GRIK4: variants seen among roughly 807,000 people sequenced by gnomAD.
GRIK4 encodes glutamate ionotropic receptor kainate type subunit 4.
Under a neutral mutation model 104.9 loss-of-function variants are expected in GRIK4, and 40 were observed. That is an observed-to-expected ratio of 0.38 (90% CI 0.30 to 0.50). The LOEUF is 0.50. GRIK4 is among the 20% of genes least tolerant of loss of function. GRIK4 has a pLI of 0.93. For synonymous variants in GRIK4, 485 were observed against 524.9 expected (o/e 0.92, Z 1.04); for missense variants, 1,047 against 1,308.1 (o/e 0.80, Z 3.08).
chr11:120,586,377 G>A (rs1948664033), intron 1 of GRIK4, among the ~76,000 whole-genome samples: 1 of 152,076 alleles, frequency 6.6e-6, no homozygotes, highest in African/African-American at 2.4e-5. Flanking sequence ...TGGGGAGGAG[G>A]ACAGGCGATG....
chr11:120,557,517 C>T (rs191533223), intron 1 of GRIK4, among the ~76,000 whole-genome samples: 5 of 152,308 alleles, frequency 3.3e-5, no homozygotes, highest in Admixed American at 3.3e-4. Context: ...CATCAGACGA[C>T]CTATCTAGCG....
At chr11:120,973,455 A>C (rs1944508628) in intron 19 of GRIK4, among the ~76,000 whole-genome samples, 2 of 152,242 alleles carry the variant, frequency 1.3e-5, no homozygotes, top group African/African-American at 2.4e-5. Flanking sequence ...CCAGGTCCCA[A>C]ATGCATCCGA....
intron 2 of GRIK4, among the ~76,000 whole-genome samples, chr11:120,655,560 T>A (rs953148937): frequency 7.2e-5 from 11 of 152,212 alleles, no homozygotes; most frequent in Non-Finnish European, 1.5e-4. Context: ...CCCTGGCTGC[T>A]CTATGGAGAA....
intron 6 of GRIK4, among the ~76,000 whole-genome samples, chr11:120,826,892 C>T (rs1292353328): frequency 6.6e-6 from 1 of 152,214 alleles, no homozygotes; most frequent in Admixed American, 6.5e-5. Context: ...CATCTTGTCC[C>T]TCTGGTGAGG....
intron 3 of GRIK4, among the ~76,000 whole-genome samples, chr11:120,679,285 C>G (rs1950154319): frequency 6.6e-6 from 1 of 152,218 alleles, no homozygotes; most frequent in Non-Finnish European, 1.5e-5. Context: ...TTATACTGCC[C>G]TGCCCTCCGT....
chr11:120,880,690 G>A (rs1323866361), intron 11 of GRIK4, among the ~76,000 whole-genome samples: 2 of 152,258 alleles, frequency 1.3e-5, no homozygotes, highest in Non-Finnish European at 2.9e-5. Flanking sequence ...GTCCTGGGCT[G>A]AGGAATTCAC....
intron 14 of GRIK4, among the ~76,000 whole-genome samples, chr11:120,947,120 T>C (rs546302717): frequency 2.6e-5 from 4 of 152,212 alleles, no homozygotes; most frequent in African/African-American, 9.6e-5. Flanking sequence ...AAGGGAGAAA[T>C]AGGCTGGGCA....
intron 12 of GRIK4, among the ~76,000 whole-genome samples, chr11:120,901,198 C>A (rs538894199): frequency 6.6e-6 from 1 of 152,142 alleles, no homozygotes; most frequent in Admixed American, 6.5e-5. Context: ...TCAGCCACTG[C>A]CCAGGCCCTG....
At chr11:120,866,746 C>T (rs1239641952) in intron 9 of GRIK4, among the ~76,000 whole-genome samples, 1 of 152,218 alleles carries the variant, frequency 6.6e-6, no homozygotes, top group Non-Finnish European at 1.5e-5. Context: ...TTGTGCTGAT[C>T]AGATTCTGCG....
chr11:120,966,458 G>A (rs576326580), intron 18 of GRIK4, among the ~76,000 whole-genome samples: 5 of 152,286 alleles, frequency 3.3e-5, no homozygotes, highest in African/African-American at 9.6e-5. Context: ...CTGCACCTCC[G>A]TCTCCCAGGT....
chr11:120,754,871 GTTAT>G (rs1340945569), intron 3 of GRIK4, among the ~76,000 whole-genome samples: 3 of 151,994 alleles, frequency 2.0e-5, no homozygotes, highest in African/African-American at 7.3e-5. Flanking sequence ...TTTTAATTGG[GTTAT>G]TTGTCTTTTT....
chr11:120,688,246 A>T (rs866444172), intron 3 of GRIK4, among the ~76,000 whole-genome samples: 1 of 152,222 alleles, frequency 6.6e-6, no homozygotes, highest in Non-Finnish European at 1.5e-5. Flanking sequence ...CTTGAAACAG[A>T]TGATTGTTAT....
intron 6 of GRIK4, among the ~76,000 whole-genome samples, chr11:120,831,114 C>A (rs1243363042): frequency 6.6e-6 from 1 of 152,126 alleles, no homozygotes; most frequent in Admixed American, 6.5e-5. Context: ...CAGATTCTTG[C>A]CTGCTGGAGT....
At chr11:120,676,853 G>A (rs1406440287) in intron 3 of GRIK4, among the ~76,000 whole-genome samples, 1 of 152,334 alleles carries the variant, frequency 6.6e-6, no homozygotes, top group South Asian at 2.1e-4. Flanking sequence ...TAGGATGTGG[G>A]CATCTTTGGG....
intron 3 of GRIK4, among the ~76,000 whole-genome samples, chr11:120,798,385 C>T (rs1217501093): frequency 6.6e-6 from 1 of 152,026 alleles, no homozygotes; most frequent in African/African-American, 2.4e-5. Context: ...TCTCAAACTC[C>T]TGACCTCACG....
At chr11:120,941,098 C>G (rs901535222) in intron 14 of GRIK4, among the ~76,000 whole-genome samples, 1 of 152,144 alleles carries the variant, frequency 6.6e-6, no homozygotes, top group Non-Finnish European at 1.5e-5. Context: ...GAAGAGTCAC[C>G]CTGGCTGGGT....
chr11:120,720,094 A>G (rs1950903670), intron 3 of GRIK4, among the ~76,000 whole-genome samples: 2 of 151,824 alleles, frequency 1.3e-5, no homozygotes, highest in Admixed American at 1.3e-4. Context: ...GGGATTGGGG[A>G]GCACTGCCCT....
intron 3 of GRIK4, among the ~76,000 whole-genome samples, chr11:120,763,312 G>A (rs1459694523): frequency 1.3e-5 from 2 of 151,936 alleles, no homozygotes; most frequent in Admixed American, 6.6e-5. Context: ...ATTTTTTATT[G>A]TGTCTATTTG....
At chr11:120,876,233 TTACTACCACCACCAC>T (rs1954793147) in intron 11 of GRIK4, among the ~76,000 whole-genome samples, 1 of 123,388 alleles carries the variant, frequency 8.1e-6, no homozygotes, top group Non-Finnish European at 1.7e-5. Context: ...ACCACCACGA[TTACTACCACCACCAC>T]CACCATTACC....
Sources: gnomAD v4.1 joint callset for allele counts (sites outside exome capture counted in the v4.1 genomes callset) on GRCh38, gnomAD v4.1.1 for gene constraint, MANE v1.5 for transcripts, NCBI Gene and HGNC (gene_info 2026-07-23, HGNC 2026-07-21) for gene names.